POLQ: variants seen among roughly 807,000 people sequenced by gnomAD.
POLQ encodes epididymis secretory sperm binding protein.
POLQ carries 233 observed loss-of-function variants against 259.2 expected under a neutral mutation model. The observed-to-expected ratio is 0.90, with a 90% confidence interval of 0.81 to 1.00. POLQ has a LOEUF of 1.00. POLQ is among the 50% of genes least tolerant of loss of function. The pLI is 0.00. For missense variants in POLQ, 2,871 were observed against 3,051.6 expected (o/e 0.94, Z 1.39); for synonymous variants, 1,025 against 1,048.8 (o/e 0.98, Z 0.44).
intron 27 of POLQ, among the ~76,000 whole-genome samples, chr3:121,438,523 A>G (rs2047562873): frequency 1.3e-5 from 2 of 152,118 alleles, no homozygotes; most frequent in Admixed American, 1.3e-4. Context: ...TCTATCCAGG[A>G]GAAAATTATA....
chr3:121,478,067 G>A (rs2047941070), intron 19 of POLQ, among the ~76,000 whole-genome samples: 1 of 152,138 alleles, frequency 6.6e-6, no homozygotes, highest in South Asian at 2.1e-4. Context: ...ATAGCCATTA[G>A]GAAGGAGCAA....
At chr3:121,437,795 TAG>T (rs768508339) in intron 27 of POLQ, among the ~76,000 whole-genome samples, 1 of 152,074 alleles carries the variant, frequency 6.6e-6, no homozygotes, top group Non-Finnish European at 1.5e-5. Context: ...AAGAGAAAAA[TAG>T]ATAAATTATG....
intron 22 of POLQ, among the ~76,000 whole-genome samples, chr3:121,470,692 C>G (rs2047876883): frequency 1.3e-5 from 2 of 152,172 alleles, no homozygotes; most frequent in African/African-American, 4.8e-5. Flanking sequence ...CTCACTGTAG[C>G]CTTGATCTCC....
At chr3:121,453,881 C>T (rs1374057405) in intron 25 of POLQ, among the ~76,000 whole-genome samples, 3 of 152,110 alleles carry the variant, frequency 2.0e-5, no homozygotes, top group Non-Finnish European at 4.4e-5. Flanking sequence ...ATCCAGAGAA[C>T]GCCACAAAGA....
At chr3:121,525,326 C>T (rs1167786967) in intron 7 of POLQ, among the ~76,000 whole-genome samples, 5 of 146,958 alleles carry the variant, frequency 3.4e-5, no homozygotes, top group Non-Finnish European at 6.0e-5. Flanking sequence ...GGGCAAAAGA[C>T]GGAGACTCCG....
intron 19 of POLQ, among the ~76,000 whole-genome samples, chr3:121,479,681 G>A (rs558415497): frequency 3.2e-4 from 48 of 152,090 alleles, no homozygotes; most frequent in Non-Finnish European, 6.3e-4. Flanking sequence ...TCAAACTCCT[G>A]GCCTCAAGTG....
chr3:121,488,261 A>G lies in POLQ; in HGVS notation c.4670T>C (p.Ile1557Thr), dbSNP rs779833132. The change falls in exon 16 of 30, where the codon ATA becomes ACA. Residue 1557 changes from isoleucine to threonine, a missense_variant. Ile to Thr is a moderately conservative substitution (Grantham distance 89). Around this residue, in one of 3 missense-constraint regions of POLQ, gnomAD observed 2,080 missense variants for 2,126.0 expected, o/e 0.98. Coordinates refer to ENST00000264233, the MANE Select transcript of POLQ (RefSeq NM_199420.4). Reference sequence around the variant, plus strand: ...CTGAACAGAATCCATTTCTGAAAATATAATAGATTCATCATTGGAACAAGT... The same window carrying G: ...CTGAACAGAATCCATTTCTGAAAATGTAATAGATTCATCATTGGAACAAGT... ...QLTCSNDESIIFSEMDSVQMV... is the reference protein window; with the variant it reads ...QLTCSNDESITFSEMDSVQMV... 1.3e-5 allele frequency: 21 copies of G among 1,612,658 alleles called. No individual in the cohort carries two copies. Among genetic ancestry groups the G allele is most frequent in the Non-Finnish European group, 1.8e-5 (21 of 1,179,306 alleles).
At chr3:121,467,315 A>T (rs1412937752) in intron 24 of POLQ, among the ~76,000 whole-genome samples, 2 of 152,222 alleles carry the variant, frequency 1.3e-5, no homozygotes, top group African/African-American at 4.8e-5. Flanking sequence ...AGCACACACC[A>T]TAAAAGTTTC....
intron 20 of POLQ, 131 bp downstream of exon 20, chr3:121,476,409 G>T: frequency 1.7e-6 from 1 of 582,586 alleles, no homozygotes; most frequent in Non-Finnish European, 2.9e-6. Flanking sequence ...AAAGCAATCT[G>T]GTTAACTGGC....
intron 7 of POLQ, among the ~76,000 whole-genome samples, chr3:121,522,685 T>C (rs948939134): frequency 6.6e-6 from 1 of 152,170 alleles, no homozygotes; most frequent in African/African-American, 2.4e-5. Flanking sequence ...GGATGTGACC[T>C]GGACATGAAG....
In POLQ at chr3:121,487,036, A is replaced by G. The variant is rs558091391; in HGVS notation, c.5629+266T>C. 1.5e-3 allele frequency among the ~76,000 whole-genome samples: 230 copies of G among 152,334 alleles called. 2 individuals carry two copies. The highest frequency in any genetic ancestry group is 2.2e-3 in the Non-Finnish European group (150 of 68,022). On this transcript the variant is annotated intron_variant, in intron 16 of 29. Coordinates refer to ENST00000264233, the MANE Select transcript of POLQ (RefSeq NM_199420.4). ...ATACCATAAAAGAAATGTCACGTTC[A>G]TATTCAAAATATGTATTATCTTTAT...
intron 5 of POLQ, among the ~76,000 whole-genome samples, chr3:121,534,348 G>A (rs1413514402): frequency 7.8e-6 from 1 of 127,422 alleles, no homozygotes. Context: ...TTTTTTTTTT[G>A]AGACAGGGTC....
chr3:121,508,972 A>AGT (rs1247630202), intron 12 of POLQ, among the ~76,000 whole-genome samples: 5 of 76,790 alleles, frequency 6.5e-5, no homozygotes, highest in Non-Finnish European at 1.4e-4. Flanking sequence ...ATATAAACAA[A>AGT]CTTAAAATTC....
intron 12 of POLQ, among the ~76,000 whole-genome samples, chr3:121,507,707 A>G (rs1009057985): frequency 1.6e-4 from 24 of 152,222 alleles, no homozygotes; most frequent in Non-Finnish European, 4.4e-5. Context: ...AGCCTGGGCA[A>G]CAGAGTGAGA....
intron 27 of POLQ, 133 bp from the exon 28 acceptor site, chr3:121,436,408 C>T: frequency 2.7e-6 from 2 of 736,004 alleles, no homozygotes; most frequent in Non-Finnish European, 4.6e-6. Flanking sequence ...CCCAGAACAC[C>T]AACTATTAGG....
chr3:121,480,494 C>CT (rs961958545), intron 19 of POLQ, among the ~76,000 whole-genome samples: 137 of 147,728 alleles, frequency 9.3e-4, no homozygotes, highest in African/African-American at 2.8e-3. Context: ...CCTAACCACC[C>CT]TTTTTTTTTT....
Position 121,487,308 on chromosome 3 carries a change from T to C in POLQ, c.5623A>G (p.Lys1875Glu). 1 of 1,564,142 alleles carries C rather than the reference T, an allele frequency of 6.4e-7. No homozygotes were observed. The highest frequency in any genetic ancestry group is 1.2e-5 in the South Asian group (1 of 83,040). The change falls in exon 16 of 30, where the codon AAG becomes GAG. Residue 1875 changes from lysine (K) to glutamate (E), a missense_variant. This residue lies in a region of POLQ where 2,080 missense variants were observed against 2,126.0 expected (regional missense o/e 0.98). Transcript: ENST00000264233. ...AAATTAAAAAAATTCTTACCTTGCT[T>C]AAACCTACTGCCAATAGTAGCAGTT... ...SKTATIGSRF[K>E]QASSPQEIPI...
At chr3:121,448,182 T>C (rs754378632) in intron 26 of POLQ, among the ~76,000 whole-genome samples, 1 of 152,150 alleles carries the variant, frequency 6.6e-6, no homozygotes, top group Non-Finnish European at 1.5e-5. Context: ...TTTTCTGATG[T>C]TGCAGGTGTG....
In POLQ at chr3:121,476,614, C is replaced by G. The variant is rs1302753267; in HGVS notation, c.6331G>C (p.Asp2111His). The change falls in exon 20 of 30, where the codon GAT becomes CAT. Residue 2111 changes from aspartate to histidine, a missense_variant. Around this residue, in one of 3 missense-constraint regions of POLQ, gnomAD observed 2,080 missense variants for 2,126.0 expected, o/e 0.98. Coordinates refer to ENST00000264233, the MANE Select transcript of POLQ (RefSeq NM_199420.4). The part of the protein sequence containing the change: ...SQKHIMQAKL[D>H]AIETQAYQLA... ...TGATAGGCCTGGGTCTCAATTGCAT[C>G]CAGCTTGGCTTGCATTATATGTTTC... The G allele has an allele frequency of 6.2e-7, 1 of 1,613,936 alleles. No homozygotes were observed. The highest frequency in any genetic ancestry group is 1.6e-4 in the Middle Eastern group (1 of 6,062).
Sources: allele counts gnomAD v4.1 joint callset (sites outside exome capture counted in the v4.1 genomes callset), GRCh38; gene constraint gnomAD v4.1.1; regional missense constraint gnomAD v4.1.1; transcripts MANE v1.5; gene names NCBI Gene and HGNC (gene_info 2026-07-23, HGNC 2026-07-21).